Variants in CAMK2G observed in about 807,000 individuals in gnomAD.
The protein encoded by CAMK2G is calcium/calmodulin-dependent protein kinase type II subunit gamma.
Under a neutral mutation model 88.7 loss-of-function variants are expected in CAMK2G, and 23 were observed. The ratio of observed to expected loss-of-function variants is 0.26; its 90% confidence interval spans 0.19 to 0.37. The LOEUF is 0.37. Among genes scored for constraint, CAMK2G ranks in the 10% least tolerant of loss-of-function variants. The pLI, the probability that CAMK2G is intolerant of heterozygous loss-of-function variation, is 1.00. For missense variants in CAMK2G, 476 were observed against 780.8 expected (o/e 0.61, Z 4.65); for synonymous variants, 263 against 294.8 (o/e 0.89, Z 1.11).
intron 15 of CAMK2G, 126 bp from the exon 16 acceptor site, chr10:73,825,473 G>A (rs915917759): frequency 9.6e-6 from 7 of 729,684 alleles, no homozygotes; most frequent in African/African-American, 6.9e-5. Flanking sequence ...CCTCCATAAC[G>A]CTGTGTAGAT....
intron 14 of CAMK2G, among the ~76,000 whole-genome samples, chr10:73,836,338 C>G (rs2093219411): frequency 6.6e-6 from 1 of 152,180 alleles, no homozygotes; most frequent in Non-Finnish European, 1.5e-5. Flanking sequence ...CCCTCTTACA[C>G]CTCTGTTGTG....
At chr10:73,855,303 T>A (rs1415592700) in intron 3 of CAMK2G, among the ~76,000 whole-genome samples, 1 of 152,190 alleles carries the variant, frequency 6.6e-6, no homozygotes, top group South Asian at 2.1e-4. Context: ...AAATTTGCTA[T>A]TAAAAAGCAT....
chr10:73,830,824 G>T (rs1165002219), intron 14 of CAMK2G, among the ~76,000 whole-genome samples: 5 of 152,224 alleles, frequency 3.3e-5, no homozygotes, highest in Non-Finnish European at 5.9e-5. Flanking sequence ...CAGACTAGCT[G>T]CTCAAACCAA....
Position 73,842,177 on chromosome 10 carries a change from T to C in CAMK2G, c.938A>G (p.Asn313Ser). 1 of 1,612,618 alleles carries C rather than the reference T, an allele frequency of 6.2e-7. No individual in the cohort carries two copies. The highest frequency in any genetic ancestry group is 8.5e-7 in the Non-Finnish European group (1 of 1,178,622). Reference sequence around the variant, plus strand: ...CAGCTGGGAAAACATACCTGAGAAGTTCCTGGAGACAAGCATGGTCGTGAG... The same window carrying C: ...CAGCTGGGAAAACATACCTGAGAAGCTCCTGGAGACAAGCATGGTCGTGAG... ...AILTTMLVSR[N>S]FSVGRQSSAP... The change falls in exon 12 of 23, where the codon AAC becomes AGC. Residue 313 changes from asparagine to serine, a missense_variant. Asn to Ser is a conservative substitution (Grantham distance 46, BLOSUM62 1). This residue lies in a region of CAMK2G where 164 missense variants were observed against 385.6 expected (regional missense o/e 0.43). Coordinates refer to ENST00000423381, the MANE Select transcript of CAMK2G (RefSeq NM_001367534.1). The surrounding 1 kb of genome is among the most constrained non-coding windows in gnomAD (Gnocchi z 4.6).
At chr10:73,822,417 C>T (rs898759128) in intron 17 of CAMK2G, among the ~76,000 whole-genome samples, 1 of 152,212 alleles carries the variant, frequency 6.6e-6, no homozygotes, top group Non-Finnish European at 1.5e-5. Context: ...ATCCACTCGC[C>T]TCGGCCTTCC....
At position 73,848,407 on chromosome 10, in the gene CAMK2G, A is replaced by C; in HGVS notation, c.601+119T>G. On this transcript the variant is annotated intron_variant, in intron 8 of 22. Transcript: ENST00000423381. The surrounding 1 kb of genome is among the most constrained non-coding windows in gnomAD (Gnocchi z 4.5). ...CAGCCATCCCAGGGGCAAACACCAT[A>C]ATTTCACATACACCAGGCACGTGTG... 2 of 736,218 alleles carry C rather than the reference A, an allele frequency of 2.7e-6. No homozygotes were observed. Among genetic ancestry groups the C allele is most frequent in the South Asian group, 1.5e-5 (1 of 66,258 alleles). 45.6% of individuals were successfully genotyped at this position (736,218 alleles called of 1,614,324 possible).
At chr10:73,860,973 G>A in intron 2 of CAMK2G, 84 bp from the exon 3 acceptor site, 2 of 924,664 alleles carry the variant, frequency 2.2e-6, no homozygotes, top group Non-Finnish European at 3.6e-6. Flanking sequence ...CTTCAGTTCA[G>A]GTACTAACTA....
In CAMK2G at chr10:73,873,156, G is replaced by T. The variant is rs903027914; in HGVS notation, c.66-73C>A. ...GACACAGACACACTTCAAGTCTGGG[G>T]ACGATGATGCTCCCACCACCAGACC... On this transcript the variant is annotated intron_variant, in intron 1 of 22. Coordinates refer to ENST00000423381, the MANE Select transcript of CAMK2G (RefSeq NM_001367534.1). 3.3e-5 allele frequency: 37 copies of T among 1,123,216 alleles called. 1 individual carries two copies. Among genetic ancestry groups the T allele is most frequent in the Middle Eastern group, 4.0e-4 (2 of 4,982 alleles). The allele number at this position is 1,123,216 out of a possible 1,614,324, so 69.6% of individuals were successfully genotyped here. A position where few individuals can be genotyped will look rare whatever the true frequency, so the allele number is the denominator to read the frequency against.
intron 3 of CAMK2G, among the ~76,000 whole-genome samples, chr10:73,860,046 T>A (rs991156736): frequency 1.3e-5 from 2 of 152,220 alleles, no homozygotes; most frequent in Non-Finnish European, 2.9e-5. Context: ...AGATGCTCCT[T>A]GCTCTGCCTC....
intron 21 of CAMK2G, among the ~76,000 whole-genome samples, chr10:73,815,507 G>A (rs1430966438): frequency 6.6e-6 from 1 of 151,928 alleles, no homozygotes; most frequent in Non-Finnish European, 1.5e-5. Context: ...GCATTGTGCT[G>A]GGGTTTTACA....
At chr10:73,849,167 G>A in intron 6 of CAMK2G, 52 bp from the exon 7 acceptor site, 1 of 1,577,054 alleles carries the variant, frequency 6.3e-7, no homozygotes, top group Non-Finnish European at 8.7e-7. Context: ...CAGCCCAGAG[G>A]AAGCCTAGTT....
chr10:73,861,983 G>A (rs901696073), intron 2 of CAMK2G, among the ~76,000 whole-genome samples: 44 of 152,166 alleles, frequency 2.9e-4, no homozygotes, highest in Middle Eastern at 6.8e-3. Context: ...GCTTCTCCCC[G>A]GAGTCCTCTT....
intron 3 of CAMK2G, among the ~76,000 whole-genome samples, chr10:73,855,537 C>T (rs2094963221): frequency 6.6e-6 from 1 of 152,200 alleles, no homozygotes. Context: ...AACACCACCC[C>T]ATGCCCCACA....
In CAMK2G at chr10:73,828,101, GC is replaced by G; in HGVS notation, c.1073del (p.Ser358ThrfsTer4). The G allele has an allele frequency of 6.2e-7, 1 of 1,613,532 alleles. No individual in the cohort carries two copies. Among genetic ancestry groups the G allele is most frequent in the Non-Finnish European group, 8.5e-7 (1 of 1,179,426 alleles). On this transcript the variant is annotated frameshift_variant, in exon 15 of 23. Transcript: ENST00000423381. LOFTEE classifies it high-confidence loss of function. ...AGGCAAGGCTCACCATTAGGTGCAC[GC>G]TGGAACTCGACTTCCTTTTCTGGAC... is the stretch of plus-strand genomic sequence containing the variant. Reference protein sequence around the residue: ...GGVKKRKSSSSVHLMPQSNNK... With the variant: ...GGVKKRKSSSXVHLMPQSNNK...
At position 73,848,190 on chromosome 10, in the gene CAMK2G, A is replaced by G. The variant is rs1379338615; in HGVS notation, c.602-108T>C. On this transcript the variant is annotated intron_variant, in intron 8 of 22. Transcript: ENST00000423381. The surrounding 1 kb of genome is among the most constrained non-coding windows in gnomAD (Gnocchi z 4.5). The stretch of plus-strand genomic sequence containing the variant: ...CACCTAGAAAGGCAGGGGCCATACC[A>G]GAGTCAGAAGTGGATGCCAGCCGAT... The G allele has an allele frequency of 8.3e-6, 6 of 724,162 alleles. No homozygotes were observed. Among genetic ancestry groups the G allele is most frequent in the Non-Finnish European group, 1.5e-5 (6 of 403,346 alleles). 44.9% of individuals were successfully genotyped at this position (724,162 alleles called of 1,614,324 possible).
At chr10:73,867,111 C>T (rs1183543323) in intron 2 of CAMK2G, among the ~76,000 whole-genome samples, 1 of 152,192 alleles carries the variant, frequency 6.6e-6, no homozygotes, top group African/African-American at 2.4e-5. Context: ...CCCATGTGAA[C>T]CCCCAAGGCT....
intron 14 of CAMK2G, among the ~76,000 whole-genome samples, chr10:73,828,764 A>G (rs2133805653): frequency 6.6e-6 from 1 of 152,366 alleles, no homozygotes; most frequent in South Asian, 2.1e-4. Flanking sequence ...ATAGAAACAC[A>G]GGAGTGCCAG....
At chr10:73,816,260 T>C (rs540484673) in intron 21 of CAMK2G, 5 of 989,588 alleles carry the variant, frequency 5.1e-6, no homozygotes, top group East Asian at 1.1e-4. Flanking sequence ...CCTTCCTCCA[T>C]AGTCAGGAAG....
In CAMK2G at chr10:73,866,157, C is replaced by T. The variant is rs533638295; in HGVS notation, c.161-5268G>A. Among the ~76,000 whole-genome samples, 256 of 152,310 alleles carry T rather than the reference C, an allele frequency of 1.7e-3. 1 individual carries two copies. The highest frequency in any genetic ancestry group is 3.4e-3 in the Middle Eastern group (1 of 294). ...GAAACAAGGATCCTAGAAACCCAAC[C>T]TCTCCCGCCTTCTGCCCAAGTGCTT... On this transcript the variant is annotated intron_variant, in intron 2 of 22. Transcript: ENST00000423381.
Sources: gnomAD v4.1 joint callset for allele counts (sites outside exome capture counted in the v4.1 genomes callset) on GRCh38, gnomAD v4.1.1 for gene constraint, gnomAD v4.1.1 regional missense constraint, Gnocchi (gnomAD v3.1) non-coding constraint, MANE v1.5 for transcripts, NCBI Gene and HGNC (gene_info 2026-07-23, HGNC 2026-07-21) for gene names.